The following PCDHA3 variants were observed in gnomAD, a reference collection of about 807,000 sequenced individuals.
The protein encoded by PCDHA3 is protocadherin alpha 3.
In PCDHA3, 41 loss-of-function variants were observed where a neutral mutation model predicts 62.2. That is an observed-to-expected ratio of 0.66 (90% CI 0.51 to 0.86). The LOEUF is 0.86. PCDHA3 is among the 40% of genes least tolerant of loss of function. PCDHA3 has a pLI of 0.00. For synonymous variants in PCDHA3, 640 were observed against 555.4 expected, an observed-to-expected ratio of 1.15 and a Z score of -2.14; for missense variants, 1,304 against 1,241.2, an observed-to-expected ratio of 1.05 and a Z score of -0.76.
At chr5:140,827,971 A>G in intron 1 of PCDHA3, 7 of 1,390,040 alleles carry the variant, frequency 5.0e-6, no homozygotes, top group Middle Eastern at 1.9e-4. Context: ...TTACTGCATC[A>G]TTCCCTGACT....
At chr5:140,916,760 G>A (rs1387005871) in intron 1 of PCDHA3, among the ~76,000 whole-genome samples, 1 of 152,180 alleles carries the variant, frequency 6.6e-6, no homozygotes, top group Non-Finnish European at 1.5e-5. Context: ...ATTAGGGGAG[G>A]GGTGGCACAA....
intron 1 of PCDHA3, chr5:140,875,955 T>C: frequency 6.2e-7 from 1 of 1,614,158 alleles, no homozygotes; most frequent in African/African-American, 1.3e-5. Flanking sequence ...CTGATGCGGA[T>C]ATCGGCGTAA....
chr5:140,967,088 GAGGCGCTGTGTGAGC>G, intron 1 of PCDHA3: 1 of 1,613,226 alleles, frequency 6.2e-7, no homozygotes, highest in Non-Finnish European at 8.5e-7. Context: ...CATTGATCGG[GAGGCGCTGTGTGAGC>G]AGCGGCCTCG....
Position 140,803,177 on chromosome 5 carries a change from C to A in PCDHA3, c.1980C>A (p.Thr660=), listed in dbSNP as rs144811750. Residue 660 remains threonine, a synonymous_variant, in exon 1 of 4, where the codon ACC becomes ACA. Transcript: ENST00000522353. The part of the protein sequence containing the change: ...LVKDHGEPSL[T]ATATVLVSLV... ...AGGACCACGGTGAACCCTCATTGAC[C>A]GCCACGGCCACTGTGCTGGTGTCGC... 5 of 1,613,890 alleles carry A rather than the reference C, an allele frequency of 3.1e-6. No individual in the cohort carries two copies. Among genetic ancestry groups the A allele is most frequent in the Non-Finnish European group, 4.2e-6 (5 of 1,179,934 alleles).
At chr5:140,866,158 A>G (rs560063709) in intron 1 of PCDHA3, 1 of 152,270 alleles carries the variant, frequency 6.6e-6, no homozygotes, top group East Asian at 1.9e-4. Context: ...ATAAGTAAGA[A>G]TCGTTTAACA....
chr5:140,856,374 T>C, intron 1 of PCDHA3: 3 of 1,598,376 alleles, frequency 1.9e-6, no homozygotes, highest in Non-Finnish European at 2.6e-6. Flanking sequence ...GAGGTGATCG[T>C]GGACAGGCCG....
chr5:140,893,866 C>T (rs915926825), intron 1 of PCDHA3, among the ~76,000 whole-genome samples: 5 of 152,102 alleles, frequency 3.3e-5, no homozygotes, highest in African/African-American at 1.2e-4. Context: ...TAGAAACAAC[C>T]CAGATCCAAA....
chr5:140,862,711 G>T, intron 1 of PCDHA3: 2 of 561,474 alleles, frequency 3.6e-6, no homozygotes, highest in Admixed American at 3.8e-5. Flanking sequence ...ACAGCGGGTG[G>T]GCGAGTGCGC....
chr5:140,901,139 A>G (rs1186725760), intron 1 of PCDHA3, among the ~76,000 whole-genome samples: 1 of 151,726 alleles, frequency 6.6e-6, no homozygotes, highest in Non-Finnish European at 1.5e-5. Context: ...GATTGTAAAT[A>G]TTTTCTCTCA....
chr5:140,801,981 GT>G lies in PCDHA3; in HGVS notation c.785del (p.Val262GlyfsTer12). 1 of 1,614,220 alleles carries G rather than the reference GT, an allele frequency of 6.2e-7. No homozygotes were observed. Among genetic ancestry groups the G allele is most frequent in the Non-Finnish European group, 8.5e-7 (1 of 1,180,042 alleles). On this transcript the variant is annotated frameshift_variant, in exon 1 of 4. Transcript: ENST00000522353. LOFTEE classifies it high-confidence loss of function. ...AAATGCACCAAATGGTACCCTAGTG[GT>G]GACCGTTAACGCCACCGATTTGGAT... is the stretch of plus-strand genomic sequence containing the variant. ...LENAPNGTLV[V>X]TVNATDLDEG...
At chr5:140,928,469 A>G in intron 1 of PCDHA3, 1 of 1,614,144 alleles carries the variant, frequency 6.2e-7, no homozygotes, top group Non-Finnish European at 8.5e-7. Context: ...TTCCAAGTAG[A>G]AGGCCGGGAT....
chr5:140,868,327 T>C (rs1554161889), intron 1 of PCDHA3: 1 of 152,138 alleles, frequency 6.6e-6, no homozygotes, highest in Non-Finnish European at 1.5e-5. Context: ...CTGCAATGAA[T>C]ATAAAGTCAC....
intron 1 of PCDHA3, chr5:140,968,679 A>T: frequency 6.2e-7 from 1 of 1,614,176 alleles, no homozygotes; most frequent in South Asian, 1.1e-5. Flanking sequence ...GTAGAGCTGC[A>T]CACAGGAGAA....
intron 1 of PCDHA3, chr5:140,859,116 A>G (rs1210233743): frequency 6.7e-6 from 1 of 150,046 alleles, no homozygotes; most frequent in Non-Finnish European, 1.5e-5. Flanking sequence ...AAGAAAATGT[A>G]TGTTTCTTTT....
At chr5:140,829,569 C>T (rs2150170274) in intron 1 of PCDHA3, 1 of 1,612,484 alleles carries the variant, frequency 6.2e-7, no homozygotes, top group East Asian at 2.2e-5. Flanking sequence ...GTGTCCTACT[C>T]GCTGGTGGAG....
rs782684247 is a variant in PCDHA3, at chr5:140,870,024, A to T, written c.2394+66433A>T. The T allele has an allele frequency of 3.1e-6, 5 of 1,613,624 alleles. No individual in the cohort carries two copies. The Admixed American group carries it at 6.7e-5, about 22-fold the overall frequency. On this transcript the variant is annotated intron_variant, in intron 1 of 3. Coordinates refer to ENST00000522353, the MANE Select transcript of PCDHA3 (RefSeq NM_018906.3). The stretch of plus-strand genomic sequence containing the variant: ...GAGAAGTGAGGGTCAATGGAACTTT[A>T]GATTATGAAGAAAACAAGTTTTATA...
intron 1 of PCDHA3, chr5:140,883,493 C>T (rs1554178441): frequency 6.2e-7 from 1 of 1,614,174 alleles, no homozygotes; most frequent in Non-Finnish European, 8.5e-7. Flanking sequence ...CTCATTAGTG[C>T]TGGACAGCGC....
At chr5:140,876,820 G>A in intron 1 of PCDHA3, 2 of 1,614,214 alleles carry the variant, frequency 1.2e-6, no homozygotes, top group Non-Finnish European at 1.7e-6. Context: ...CGACGTGAAC[G>A]ACAATGCGCC....
At chr5:140,971,987 G>A (rs1246433962) in intron 1 of PCDHA3, among the ~76,000 whole-genome samples, 1 of 152,086 alleles carries the variant, frequency 6.6e-6, no homozygotes, top group Non-Finnish European at 1.5e-5. Context: ...GTAGACAGAA[G>A]TTCCAATGTT....
Sources: allele counts gnomAD v4.1 joint callset (sites outside exome capture counted in the v4.1 genomes callset), GRCh38; gene constraint gnomAD v4.1.1; transcripts MANE v1.5; gene names NCBI Gene and HGNC (gene_info 2026-07-23, HGNC 2026-07-21).